ADCY5: variants seen among roughly 807,000 people sequenced by gnomAD.
ADCY5 encodes adenylate cyclase type 5.
In ADCY5, 30 loss-of-function variants were observed where a neutral mutation model predicts 119.7. The observed-to-expected ratio is 0.25, with a 90% CI of 0.19 to 0.34. ADCY5 has a LOEUF of 0.34. Among genes scored for constraint, ADCY5 ranks in the 10% least tolerant of loss-of-function variants. The probability of loss-of-function intolerance (pLI) is 1.00; values close to 1 mark genes in which losing one functional copy is unlikely to be tolerated. For missense variants in ADCY5, 1,324 were observed against 1,775.2 expected (o/e 0.75, Z 4.57); for synonymous variants, 753 against 762.2 (o/e 0.99, Z 0.20).
intron 3 of ADCY5, among the ~76,000 whole-genome samples, chr3:123,345,851 TC>T (rs1942526543): frequency 6.6e-6 from 1 of 151,724 alleles, no homozygotes; most frequent in African/African-American, 2.4e-5. Context: ...GCCTGAGGGC[TC>T]CCCAGACCTC....
intron 1 of ADCY5, among the ~76,000 whole-genome samples, chr3:123,379,039 G>T (rs1943937562): frequency 6.6e-6 from 1 of 152,124 alleles, no homozygotes; most frequent in Non-Finnish European, 1.5e-5. Flanking sequence ...CTACACTCTT[G>T]TTCTCAGAGT....
At chr3:123,371,435 T>C (rs972732952) in intron 1 of ADCY5, among the ~76,000 whole-genome samples, 1 of 152,230 alleles carries the variant, frequency 6.6e-6, no homozygotes, top group Non-Finnish European at 1.5e-5. Context: ...CTCCAACCAG[T>C]CGATCGCAGT....
intron 2 of ADCY5, among the ~76,000 whole-genome samples, chr3:123,350,332 C>T (rs1576609668): frequency 6.6e-6 from 1 of 152,336 alleles, no homozygotes; most frequent in South Asian, 2.1e-4. Context: ...GAAGCTGACA[C>T]ATTAGTGAAG....
At chr3:123,442,924 C>T (rs1333634468) in intron 1 of ADCY5, among the ~76,000 whole-genome samples, 2 of 152,228 alleles carry the variant, frequency 1.3e-5, no homozygotes, top group African/African-American at 4.8e-5. Flanking sequence ...CCAAAGCCAA[C>T]CCCCAACCCC....
chr3:123,364,056 A>G (rs1407675170), intron 1 of ADCY5, among the ~76,000 whole-genome samples: 1 of 152,250 alleles, frequency 6.6e-6, no homozygotes, highest in Non-Finnish European at 1.5e-5. Flanking sequence ...GAAATTGCAT[A>G]TAACTCATGA....
chr3:123,362,916 G>C (rs1943303420), intron 1 of ADCY5, among the ~76,000 whole-genome samples: 1 of 152,030 alleles, frequency 6.6e-6, no homozygotes, highest in African/African-American at 2.4e-5. Context: ...GGCTGAGGTG[G>C]GTGGATCATG....
chr3:123,336,705 C>T (rs1201629649), intron 3 of ADCY5, among the ~76,000 whole-genome samples: 1 of 152,220 alleles, frequency 6.6e-6, no homozygotes, highest in Non-Finnish European at 1.5e-5. Flanking sequence ...CCTCCTGTGC[C>T]TGCCTGGCTG....
intron 1 of ADCY5, among the ~76,000 whole-genome samples, chr3:123,378,015 A>G (rs967028218): frequency 4.6e-5 from 7 of 152,080 alleles, no homozygotes; most frequent in African/African-American, 1.7e-4. Flanking sequence ...TCAAACTGGT[A>G]TGAGCTTTGG....
intron 1 of ADCY5, among the ~76,000 whole-genome samples, chr3:123,383,114 C>A (rs1274171423): frequency 6.6e-6 from 1 of 152,114 alleles, no homozygotes; most frequent in African/African-American, 2.4e-5. Context: ...CACGCACAAC[C>A]AATGGCCAAG....
In ADCY5 at chr3:123,448,303, A is replaced by G; in HGVS notation, c.243T>C (p.Pro81=). ...CCAGGGGGTCGTCACCGCTCAGCGG[A>G]GGATCGTCGTCGTCGTCGCTGCGCC... is the stretch of plus-strand genomic sequence containing the variant. The part of the protein sequence containing the change: ...SRWRSDDDDD[P]PLSGDDPLAG... The change falls in exon 1 of 21, where the codon CCT becomes CCC. Residue 81 remains proline, a synonymous_variant. Coordinates refer to ENST00000462833, the MANE Select transcript of ADCY5 (RefSeq NM_183357.3). 6.5e-7 allele frequency: 1 copy of G among 1,540,264 alleles called. No homozygotes were observed. Among genetic ancestry groups the G allele is most frequent in the Non-Finnish European group, 8.7e-7 (1 of 1,154,120 alleles).
chr3:123,415,587 G>A (rs546494481), intron 1 of ADCY5, among the ~76,000 whole-genome samples: 8 of 152,314 alleles, frequency 5.3e-5, no homozygotes, highest in Non-Finnish European at 7.4e-5. Context: ...ACCAGAAAGC[G>A]GAGGTGGCAT....
chr3:123,400,188 C>A (rs779769257), intron 1 of ADCY5, among the ~76,000 whole-genome samples: 1 of 152,180 alleles, frequency 6.6e-6, no homozygotes, highest in African/African-American at 2.4e-5. Flanking sequence ...GGTCTGGGGT[C>A]CAGAATCACC....
intron 1 of ADCY5, among the ~76,000 whole-genome samples, chr3:123,431,670 T>C (rs1018185702): frequency 6.6e-6 from 1 of 152,208 alleles, no homozygotes; most frequent in Non-Finnish European, 1.5e-5. Flanking sequence ...CATTTGGGGT[T>C]AATTGCTGGT....
intron 10 of ADCY5, among the ~76,000 whole-genome samples, chr3:123,318,614 G>A (rs1012156709): frequency 2.0e-5 from 3 of 152,194 alleles, no homozygotes; most frequent in African/African-American, 7.2e-5. Flanking sequence ...CCACACTGAT[G>A]GAGGTTGGGC....
chr3:123,414,983 A>G (rs565760218), intron 1 of ADCY5, among the ~76,000 whole-genome samples: 9 of 152,278 alleles, frequency 5.9e-5, no homozygotes, highest in East Asian at 1.9e-4. Context: ...ATTTGAACAT[A>G]TGGCTCACTC....
intron 5 of ADCY5, among the ~76,000 whole-genome samples, chr3:123,330,313 A>G (rs943278682): frequency 2.0e-5 from 3 of 152,150 alleles, no homozygotes; most frequent in African/African-American, 4.8e-5. Context: ...ATAAGCTTGC[A>G]CCACCCATGT....
chr3:123,387,621 G>A (rs1022642656), intron 1 of ADCY5, among the ~76,000 whole-genome samples: 4 of 152,194 alleles, frequency 2.6e-5, no homozygotes, highest in African/African-American at 9.7e-5. Flanking sequence ...CCCAGTCATA[G>A]ACAAACATGA....
intron 2 of ADCY5, among the ~76,000 whole-genome samples, chr3:123,348,868 T>C (rs1249220180): frequency 6.6e-6 from 1 of 151,998 alleles, no homozygotes; most frequent in Admixed American, 6.6e-5. Context: ...CCCTCCTCAT[T>C]CTCCTGCCCT....
intron 1 of ADCY5, among the ~76,000 whole-genome samples, chr3:123,396,505 GAGAA>G (rs201253191): frequency 1.3e-4 from 15 of 112,540 alleles, no homozygotes; most frequent in African/African-American, 2.3e-4. Context: ...GGGAAAATAA[GAGAA>G]AGAAAGAAAG....
Sources: allele counts gnomAD v4.1 joint callset (sites outside exome capture counted in the v4.1 genomes callset), GRCh38; gene constraint gnomAD v4.1.1; transcripts MANE v1.5; gene names NCBI Gene and HGNC (gene_info 2026-07-23, HGNC 2026-07-21).